The following PIP4P2 variants were observed in gnomAD, a reference collection of about 807,000 sequenced individuals.
PIP4P2 encodes the protein phosphatidylinositol-4,5-bisphosphate 4-phosphatase 2, also known as type 2 phosphatidylinositol 4,5-bisphosphate 4-phosphatase.
PIP4P2 carries 19 observed loss-of-function variants against 33.3 expected under a neutral mutation model. That is an observed-to-expected ratio of 0.57 (90% CI 0.40 to 0.84). PIP4P2 has a LOEUF of 0.84. PIP4P2 is among the 40% of genes least tolerant of loss of function. The pLI, the probability that PIP4P2 is intolerant of heterozygous loss-of-function variation, is 0.00. For missense variants in PIP4P2, 270 were observed against 324.7 expected (o/e 0.83, Z 1.29); for synonymous variants, 110 against 111.9 (o/e 0.98, Z 0.11).
At chr8:91,005,982 C>T (rs866455747) in intron 5 of PIP4P2, among the ~76,000 whole-genome samples, 12 of 152,176 alleles carry the variant, frequency 7.9e-5, no homozygotes, top group African/African-American at 2.7e-4. Context: ...TGAGAAAATG[C>T]CCCTCAGTCT....
chr8:91,038,615 A>G (rs1222329908), intron 1 of PIP4P2, among the ~76,000 whole-genome samples: 1 of 152,212 alleles, frequency 6.6e-6, no homozygotes, highest in African/African-American at 2.4e-5. Context: ...GTGCTTCCCA[A>G]TAAATTAATA....
intron 1 of PIP4P2, among the ~76,000 whole-genome samples, chr8:91,026,735 T>A (rs1812088353): frequency 6.6e-6 from 1 of 152,182 alleles, no homozygotes; most frequent in African/African-American, 2.4e-5. Context: ...CAGGAAACAA[T>A]TCCTCAAAGA....
rs1312718831 is a variant in PIP4P2 at position 91,021,424 on chromosome 8, T to C, written c.107-20A>G. The C allele has an allele frequency of 3.1e-6, 5 of 1,611,346 alleles. No homozygotes were observed. Among genetic ancestry groups the C allele is most frequent in the Non-Finnish European group, 4.2e-6 (5 of 1,178,344 alleles). ...GCTCCGCTGAAAAGATATTAGTCAC[T>C]GAATCAGAGTCTTGGAGAAATTACT... On this transcript the variant is annotated intron_variant, in intron 1 of 6. Coordinates refer to ENST00000285419, the MANE Select transcript of PIP4P2 (RefSeq NM_018710.3).
chr8:91,017,857 T>C (rs913831262), intron 4 of PIP4P2, among the ~76,000 whole-genome samples: 4 of 152,220 alleles, frequency 2.6e-5, no homozygotes, highest in African/African-American at 4.8e-5. Context: ...CAAAAACTTT[T>C]ATAACTTTTG....
chr8:91,018,647 G>T, intron 3 of PIP4P2, 134 bp from the exon 4 acceptor site: 1 of 1,353,462 alleles, frequency 7.4e-7, no homozygotes, highest in Non-Finnish European at 1.0e-6. Context: ...CAAGCTGGAG[G>T]CAAAACTACA....
At chr8:91,005,750 A>G (rs1811754761) in intron 5 of PIP4P2, among the ~76,000 whole-genome samples, 1 of 152,238 alleles carries the variant, frequency 6.6e-6, no homozygotes, top group African/African-American at 2.4e-5. Context: ...TCAGTGATGT[A>G]AAAGAAATGA....
At chr8:91,008,702 C>T in intron 5 of PIP4P2, 41 bp downstream of exon 5, 1 of 1,582,488 alleles carries the variant, frequency 6.3e-7, no homozygotes. Context: ...AAATTTGTCT[C>T]AAGTATTTCT....
At chr8:90,995,923 C>T in intron 6 of PIP4P2, 103 bp from the exon 7 acceptor site, 1 of 1,290,136 alleles carries the variant, frequency 7.8e-7, no homozygotes, top group Non-Finnish European at 1.0e-6. Context: ...AAATATACCC[C>T]CAGACCGAAT....
intron 4 of PIP4P2, among the ~76,000 whole-genome samples, chr8:91,013,082 C>T (rs1362038041): frequency 6.6e-6 from 1 of 152,182 alleles, no homozygotes; most frequent in African/African-American, 2.4e-5. Context: ...AAATAAAAGC[C>T]AAAATTCTAG....
At chr8:91,038,285 G>C (rs1812259819) in intron 1 of PIP4P2, among the ~76,000 whole-genome samples, 1 of 152,168 alleles carries the variant, frequency 6.6e-6, no homozygotes, top group Admixed American at 6.5e-5. Context: ...GAAAGAGAAA[G>C]GGGTCAGATT....
At chr8:91,019,432 C>G (rs4734377) in intron 3 of PIP4P2, among the ~76,000 whole-genome samples, 129,641 of 129,702 alleles carry the variant, frequency 1, 64,790 homozygotes, top group East Asian at 1. Flanking sequence ...AAATATATTA[C>G]CTGGGAGTGG....
In PIP4P2 at chr8:91,021,331, C is replaced by T; in HGVS notation, c.180G>A (p.Val60=). The change falls in exon 2 of 7, where the codon GTG becomes GTA. Residue 60 remains valine (V), a synonymous_variant. Coordinates refer to ENST00000285419, the MANE Select transcript of PIP4P2 (RefSeq NM_018710.3). ...CATCCAAATTGATTAGTGATTGGCA[C>T]ACACGGCAGTTTATTACTGGAATAC... ...ASGIPVINCR[V]CQSLINLDGK... 6.2e-7 allele frequency: 1 copy of T among 1,613,850 alleles called. No individual in the cohort carries two copies. The highest frequency in any genetic ancestry group is 8.5e-7 in the Non-Finnish European group (1 of 1,179,834).
intron 5 of PIP4P2, among the ~76,000 whole-genome samples, chr8:91,004,769 T>C (rs755529624): frequency 2.0e-5 from 3 of 151,808 alleles, no homozygotes; most frequent in African/African-American, 7.3e-5. Context: ...GAGTATGAAA[T>C]ACAAAAATGA....
At chr8:91,003,951 A>ATAGT (rs1491357529) in intron 5 of PIP4P2, among the ~76,000 whole-genome samples, 1 of 57,938 alleles carries the variant, frequency 1.7e-5, no homozygotes, top group African/African-American at 6.3e-5. Flanking sequence ...CCAACAGGAG[A>ATAGT]TAGATAGATA....
chr8:90,996,550 G>A (rs1340617955), intron 6 of PIP4P2, 104 bp downstream of exon 6: 41 of 846,908 alleles, frequency 4.8e-5, no homozygotes, highest in Non-Finnish European at 6.7e-5. Flanking sequence ...GGCATGCCAA[G>A]GAGGCAGCCT....
At chr8:91,011,043 TAGATAGATAGATAGATAGATAGAC>T (rs1043652028) in intron 4 of PIP4P2, among the ~76,000 whole-genome samples, 8 of 147,932 alleles carry the variant, frequency 5.4e-5, no homozygotes, top group South Asian at 4.3e-4. Context: ...GATAGATAGA[TAGATAGATAGATAGATAGATAGAC>T]AGATAGATAC....
intron 6 of PIP4P2, among the ~76,000 whole-genome samples, chr8:90,996,229 A>T (rs369470345): frequency 6.6e-6 from 1 of 152,226 alleles, no homozygotes; most frequent in Non-Finnish European, 1.5e-5. Flanking sequence ...AGTCTTCTCT[A>T]AAAACAAGCC....
intron 4 of PIP4P2, among the ~76,000 whole-genome samples, chr8:91,014,758 G>GACAGACACAC (rs1554582454): frequency 1.1e-4 from 16 of 142,754 alleles, no homozygotes; most frequent in Admixed American, 2.8e-4. Flanking sequence ...TTACCACAAA[G>GACAGACACAC]ACACACACAC....
intron 3 of PIP4P2, among the ~76,000 whole-genome samples, chr8:91,019,852 C>A (rs1811980696): frequency 6.6e-6 from 1 of 152,126 alleles, no homozygotes; most frequent in African/African-American, 2.4e-5. Flanking sequence ...AGGCATGAAC[C>A]ACTGGCCTGA....
Sources: gnomAD v4.1 joint callset for allele counts (sites outside exome capture counted in the v4.1 genomes callset) on GRCh38, gnomAD v4.1.1 for gene constraint, MANE v1.5 for transcripts, NCBI Gene and HGNC (gene_info 2026-07-23, HGNC 2026-07-21) for gene names.